The following GPC5 variants were observed in gnomAD, a reference collection of about 807,000 sequenced individuals.
The protein encoded by GPC5 is glypican 5, also known as glypican-5.
A neutral mutation model predicts 53.9 loss-of-function variants in GPC5; 47 were observed. The observed-to-expected ratio is 0.87, with a 90% confidence interval of 0.69 to 1.11. The LOEUF is 1.11. GPC5 is among the 50% of genes most tolerant of loss of function. GPC5 has a pLI of 0.00. For synonymous variants in GPC5, 286 were observed against 263.3 expected, an observed-to-expected ratio of 1.09 and a Z score of -0.84; for missense variants, 748 against 713.1, an observed-to-expected ratio of 1.05 and a Z score of -0.56.
chr13:91,751,831 G>A (rs1473942034), intron 4 of GPC5, among the ~76,000 whole-genome samples: 1 of 152,108 alleles, frequency 6.6e-6, no homozygotes, highest in South Asian at 2.1e-4. Context: ...TCTACTTATG[G>A]TTTCCCATGC....
chr13:91,898,597 G>C (rs1276333630), intron 5 of GPC5, among the ~76,000 whole-genome samples: 1 of 151,692 alleles, frequency 6.6e-6, no homozygotes, highest in Non-Finnish European at 1.5e-5. Context: ...TCTTTATTTT[G>C]TTTTAAAAGA....
chr13:92,299,603 G>A (rs1260043796), intron 7 of GPC5, among the ~76,000 whole-genome samples: 2 of 152,102 alleles, frequency 1.3e-5, no homozygotes, highest in Admixed American at 1.3e-4. Flanking sequence ...ACATAATTCA[G>A]TTAAAATTTA....
chr13:92,053,259 C>A (rs933068662), intron 6 of GPC5, among the ~76,000 whole-genome samples: 1 of 152,164 alleles, frequency 6.6e-6, no homozygotes, highest in African/African-American at 2.4e-5. Flanking sequence ...AGGCGTCAGG[C>A]ATGTTCAGCA....
intron 7 of GPC5, among the ~76,000 whole-genome samples, chr13:92,592,801 G>A (rs1414629274): frequency 6.6e-6 from 1 of 151,270 alleles, no homozygotes; most frequent in Non-Finnish European, 1.5e-5. Context: ...AATGGAGGGA[G>A]AGCGAGATGG....
At chr13:91,570,836 C>T (rs908888531) in intron 2 of GPC5, among the ~76,000 whole-genome samples, 6 of 152,174 alleles carry the variant, frequency 3.9e-5, no homozygotes, top group Non-Finnish European at 8.8e-5. Flanking sequence ...GGGATGCATA[C>T]ACTTTATAAA....
Position 91,496,041 on chromosome 13 carries a change from A to T in GPC5, c.325+47119A>T, listed in dbSNP as rs1247628597. Among the ~76,000 whole-genome samples, 340 of 151,386 alleles carry T rather than the reference A, an allele frequency of 2.2e-3. 2 individuals are homozygous for T. The highest frequency in any genetic ancestry group is 7.4e-3 in the African/African-American group (306 of 41,506). ...CTGTCTCAAAAAAAATAAAAAATAA[A>T]AAATAAATAAAAAATAAAATTAGAT... is the stretch of plus-strand genomic sequence containing the variant. On this transcript the variant is annotated intron_variant, in intron 2 of 7. Transcript: ENST00000377067.
rs1016192540 is a variant in GPC5, at chr13:92,322,708, G to A, written c.1561+177719G>A. Among the ~76,000 whole-genome samples, 23 of 152,250 alleles carry A rather than the reference G, an allele frequency of 1.5e-4. No homozygotes were observed. The South Asian group carries it at 4.4e-3, about 29-fold the overall frequency. ...AATATATTTCATAAGCTGAAGTCCA[G>A]TGTGCCTTTCATTGTTGAAGAAATA... On this transcript the variant is annotated intron_variant, in intron 7 of 7. Coordinates refer to ENST00000377067, the MANE Select transcript of GPC5 (RefSeq NM_004466.6).
intron 5 of GPC5, among the ~76,000 whole-genome samples, chr13:91,860,451 ATCCT>A (rs1051851629): frequency 1.2e-3 from 175 of 144,570 alleles, no homozygotes; most frequent in East Asian, 3.8e-3. Context: ...ATATATATCT[ATCCT>A]TCCTTCCTTC....
intron 7 of GPC5, among the ~76,000 whole-genome samples, chr13:92,382,746 C>T (rs1300621839): frequency 6.6e-6 from 1 of 151,866 alleles, no homozygotes; most frequent in Non-Finnish European, 1.5e-5. Context: ...CGCGGTGGCT[C>T]ACGCCTGTAA....
At chr13:92,758,402 C>A (rs1313338106) in intron 7 of GPC5, among the ~76,000 whole-genome samples, 2 of 151,474 alleles carry the variant, frequency 1.3e-5, no homozygotes, top group Non-Finnish European at 2.9e-5. Flanking sequence ...GTGCAGCGCA[C>A]CAGCATGGCA....
chr13:92,331,685 T>G (rs1258351852), intron 7 of GPC5, among the ~76,000 whole-genome samples: 1 of 139,096 alleles, frequency 7.2e-6, no homozygotes, highest in Non-Finnish European at 1.5e-5. Flanking sequence ...ACATAGGGTT[T>G]TTTTTTTTGT....
At chr13:91,718,622 C>T (rs989916865) in intron 3 of GPC5, among the ~76,000 whole-genome samples, 44 of 152,104 alleles carry the variant, frequency 2.9e-4, no homozygotes, top group Non-Finnish European at 1.2e-4. Context: ...TCTTGGACAC[C>T]ATATTTAAAA....
At chr13:92,665,263 CT>C (rs1326851706) in intron 7 of GPC5, among the ~76,000 whole-genome samples, 1 of 151,992 alleles carries the variant, frequency 6.6e-6, no homozygotes, top group Non-Finnish European at 1.5e-5. Context: ...AGTTTTTATG[CT>C]TGTGGAAGGA....
intron 2 of GPC5, among the ~76,000 whole-genome samples, chr13:91,554,881 C>A (rs993692256): frequency 3.3e-5 from 5 of 152,064 alleles, no homozygotes; most frequent in Non-Finnish European, 7.4e-5. Context: ...CCTAACAATC[C>A]TCTTCACTTA....
At chr13:92,713,552 G>A (rs1312961929) in intron 7 of GPC5, among the ~76,000 whole-genome samples, 2 of 149,748 alleles carry the variant, frequency 1.3e-5, no homozygotes, top group African/African-American at 4.9e-5. Flanking sequence ...AGCTTGCAGT[G>A]AGCTGAGATC....
intron 6 of GPC5, among the ~76,000 whole-genome samples, chr13:92,102,661 G>A (rs866021014): frequency 1.3e-5 from 2 of 152,118 alleles, no homozygotes; most frequent in Admixed American, 6.6e-5. Flanking sequence ...ATAGCACAGT[G>A]GGAAGGATTC....
chr13:92,401,984 A>G (rs569348590), intron 7 of GPC5, among the ~76,000 whole-genome samples: 1 of 152,174 alleles, frequency 6.6e-6, no homozygotes, highest in African/African-American at 2.4e-5. Context: ...GCTAAAAGAA[A>G]AAGTTTTTAA....
intron 7 of GPC5, among the ~76,000 whole-genome samples, chr13:92,528,380 T>C (rs553356857): frequency 5.3e-5 from 8 of 152,152 alleles, no homozygotes; most frequent in Admixed American, 2.0e-4. Context: ...GCTTACAGAG[T>C]TATTTTATGA....
intron 5 of GPC5, among the ~76,000 whole-genome samples, chr13:91,858,230 A>C (rs540165998): frequency 6.6e-6 from 1 of 151,908 alleles, no homozygotes; most frequent in Non-Finnish European, 1.5e-5. Flanking sequence ...GAAAGTGGGC[A>C]TCCTTTTCTA....
Sources: gnomAD v4.1 joint callset for allele counts (sites outside exome capture counted in the v4.1 genomes callset) on GRCh38, gnomAD v4.1.1 for gene constraint, MANE v1.5 for transcripts, NCBI Gene and HGNC (gene_info 2026-07-23, HGNC 2026-07-21) for gene names.